SDCBP: variants seen among roughly 807,000 people sequenced by gnomAD.
The protein encoded by SDCBP is syntenin-1.
SDCBP carries 22 observed loss-of-function variants against 30.5 expected under a neutral mutation model. That is an observed-to-expected ratio of 0.72 (90% CI 0.52 to 1.03). The LOEUF is 1.03. SDCBP is among the 50% of genes least tolerant of loss of function. SDCBP has a pLI of 0.00. For synonymous variants in SDCBP, 103 were observed against 118.7 expected, an observed-to-expected ratio of 0.87 and a Z score of 0.86; for missense variants, 304 against 369.9, an observed-to-expected ratio of 0.82 and a Z score of 1.46.
intron 4 of SDCBP, among the ~76,000 whole-genome samples, chr8:58,574,560 C>T (rs1211313690): frequency 6.6e-6 from 1 of 151,968 alleles, no homozygotes; most frequent in Non-Finnish European, 1.5e-5. Context: ...CAGTGCGCCG[C>T]CTTTTATTTT....
intron 1 of SDCBP, among the ~76,000 whole-genome samples, chr8:58,555,691 A>G (rs1804060903): frequency 6.6e-6 from 1 of 151,878 alleles, no homozygotes; most frequent in African/African-American, 2.4e-5. Context: ...GACCTCATGT[A>G]TGAGCCATCT....
chr8:58,559,378 A>C (rs1003706516), intron 1 of SDCBP, among the ~76,000 whole-genome samples: 1 of 152,200 alleles, frequency 6.6e-6, no homozygotes. Flanking sequence ...ATTATATATC[A>C]TATGCATTTT....
At chr8:58,578,551 G>T (rs979573379) in intron 6 of SDCBP, among the ~76,000 whole-genome samples, 8 of 152,182 alleles carry the variant, frequency 5.3e-5, no homozygotes, top group Admixed American at 1.3e-4. Flanking sequence ...CCCTCATTGT[G>T]AGGGTCAGAG....
At chr8:58,573,104 G>C (rs1178036241) in intron 4 of SDCBP, among the ~76,000 whole-genome samples, 1 of 151,996 alleles carries the variant, frequency 6.6e-6, no homozygotes, top group East Asian at 1.9e-4. Context: ...CACTGTGCCT[G>C]GCCTTTGCTC....
intron 1 of SDCBP, among the ~76,000 whole-genome samples, chr8:58,564,046 G>A (rs978676757): frequency 3.3e-5 from 5 of 152,184 alleles, no homozygotes; most frequent in Admixed American, 6.5e-5. Flanking sequence ...AGAGTAGTAC[G>A]TTGGAACCAT....
At chr8:58,574,313 G>A (rs950645263) in intron 4 of SDCBP, among the ~76,000 whole-genome samples, 2 of 152,028 alleles carry the variant, frequency 1.3e-5, no homozygotes, top group African/African-American at 2.4e-5. Context: ...CATACATAAA[G>A]GTAAAAAGAG....
At chr8:58,562,203 G>A (rs748765789) in intron 1 of SDCBP, among the ~76,000 whole-genome samples, 1 of 151,718 alleles carries the variant, frequency 6.6e-6, no homozygotes, top group Non-Finnish European at 1.5e-5. Context: ...AACTTTAAAT[G>A]TACTAAACTC....
intron 1 of SDCBP, among the ~76,000 whole-genome samples, chr8:58,555,677 T>C (rs1585671608): frequency 1.3e-5 from 2 of 152,144 alleles, no homozygotes; most frequent in African/African-American, 4.8e-5. Context: ...AAATTGTGTT[T>C]CTAGACCTCA....
At chr8:58,578,850 A>C (rs1400879872) in intron 6 of SDCBP, among the ~76,000 whole-genome samples, 1 of 152,132 alleles carries the variant, frequency 6.6e-6, no homozygotes, top group East Asian at 1.9e-4. Flanking sequence ...CATTCAGTTT[A>C]GGTATTTCGT....
chr8:58,556,844 ATG>A (rs1165908558), intron 1 of SDCBP, among the ~76,000 whole-genome samples: 4 of 140,244 alleles, frequency 2.9e-5, no homozygotes, highest in Non-Finnish European at 4.6e-5. Context: ...TATATATAAA[ATG>A]TATGTATTAT....
At chr8:58,569,382 C>T (rs970814917) in intron 2 of SDCBP, among the ~76,000 whole-genome samples, 3 of 149,396 alleles carry the variant, frequency 2.0e-5, no homozygotes, top group East Asian at 2.1e-4. Flanking sequence ...CAATTTTTTG[C>T]ATAGGCAGGG....
chr8:58,572,198 T>C lies in SDCBP; in HGVS notation c.131-7T>C, dbSNP rs778874326. Reference sequence around the variant, plus strand: ...AGTGCTTTTTAATTTATTCATTTACTTTTTAGATCTCTATCCCAGACTGTA... The same window carrying C: ...AGTGCTTTTTAATTTATTCATTTACCTTTTAGATCTCTATCCCAGACTGTA... On this transcript the variant is annotated splice_region_variant and splice_polypyrimidine_tract_variant and intron_variant, in intron 3 of 8. Coordinates refer to ENST00000260130, the MANE Select transcript of SDCBP (RefSeq NM_005625.4). 2.6e-6 allele frequency: 4 copies of C among 1,553,338 alleles called. No individual in the cohort carries two copies. The highest frequency in any genetic ancestry group is 4.5e-5 in the East Asian group (2 of 44,544).
intron 2 of SDCBP, 44 bp from the exon 3 acceptor site, chr8:58,570,843 G>A (rs745957206): frequency 7.8e-7 from 1 of 1,278,078 alleles, no homozygotes; most frequent in Non-Finnish European, 1.1e-6. Context: ...AGAATATAAA[G>A]TAAGTATAGC....
At chr8:58,581,553 C>A in intron 8 of SDCBP, 133 bp from the exon 9 acceptor site, 1 of 667,830 alleles carries the variant, frequency 1.5e-6, no homozygotes, top group Non-Finnish European at 2.7e-6. Context: ...TTTAAAAGAT[C>A]TTTCCCTTCT....
intron 1 of SDCBP, chr8:58,561,002 C>T (rs1398040279): frequency 2.6e-5 from 4 of 152,094 alleles, no homozygotes; most frequent in Non-Finnish European, 5.9e-5. Context: ...GCTGCATGAA[C>T]AAAATGGTAT....
chr8:58,579,807 CTT>C lies in SDCBP; in HGVS notation c.750+15_750+16del. 3 of 1,571,638 alleles carry C rather than the reference CTT, an allele frequency of 1.9e-6. No individual in the cohort carries two copies. The highest frequency in any genetic ancestry group is 2.6e-6 in the Non-Finnish European group (3 of 1,158,552). ...CATTGGATTGAAGGTAAGGAACAGACTTTGTGCCATGTTCTGCTGCAGTTTTA... is the reference window on the plus strand; with the variant it reads ...CATTGGATTGAAGGTAAGGAACAGACTGTGCCATGTTCTGCTGCAGTTTTA... On this transcript the variant is annotated intron_variant, in intron 7 of 8. Coordinates refer to ENST00000260130, the MANE Select transcript of SDCBP (RefSeq NM_005625.4).
intron 1 of SDCBP, among the ~76,000 whole-genome samples, chr8:58,559,191 A>G (rs1426932092): frequency 6.6e-6 from 1 of 152,318 alleles, no homozygotes; most frequent in African/African-American, 2.4e-5. Context: ...AGAAACTTCT[A>G]TGGAGAGAAA....
intron 4 of SDCBP, 102 bp from the exon 5 acceptor site, chr8:58,575,798 G>T (rs1159026420): frequency 2.1e-6 from 2 of 944,266 alleles, no homozygotes; most frequent in Non-Finnish European, 3.2e-6. Context: ...TTTGTGGATT[G>T]CTTTTTGGAA....
chr8:58,576,828 C>G (rs541343666), intron 5 of SDCBP, among the ~76,000 whole-genome samples: 2 of 152,288 alleles, frequency 1.3e-5, no homozygotes, highest in African/African-American at 4.8e-5. Flanking sequence ...CTTAGTGCAT[C>G]CAGCCTTTCC....
Sources: gnomAD v4.1 joint callset for allele counts (sites outside exome capture counted in the v4.1 genomes callset) on GRCh38, gnomAD v4.1.1 for gene constraint, MANE v1.5 for transcripts, NCBI Gene and HGNC (gene_info 2026-07-23, HGNC 2026-07-21) for gene names.